Variants in COL14A1 observed in about 807,000 individuals in gnomAD.
COL14A1 encodes the protein collagen type XIV alpha 1 chain.
A neutral mutation model predicts 230.3 loss-of-function variants in COL14A1; 136 were observed. The ratio of observed to expected loss-of-function variants is 0.59; its 90% confidence interval spans 0.51 to 0.68. The LOEUF (loss-of-function observed/expected upper bound fraction) is 0.68, where lower values mean the gene tolerates loss of function less well. COL14A1 is among the 30% of genes least tolerant of loss of function. The pLI, the probability that COL14A1 is intolerant of heterozygous loss-of-function variation, is 0.00. For missense variants in COL14A1, 1,976 were observed against 2,215.8 expected, an observed-to-expected ratio of 0.89 and a Z score of 2.17; for synonymous variants, 792 against 784.1, an observed-to-expected ratio of 1.01 and a Z score of -0.17.
chr8:120,195,807 G>A (rs1040805312), intron 5 of COL14A1, among the ~76,000 whole-genome samples: 1 of 152,120 alleles, frequency 6.6e-6, no homozygotes, highest in Non-Finnish European at 1.5e-5. Flanking sequence ...ATGACACGTG[G>A]GAATTATGGG....
At position 120,297,576 on chromosome 8, in the gene COL14A1, A is replaced by G. The variant is rs367920723; in HGVS notation, c.4302A>G (p.Glu1434=). ...TSWANTDKCC[E]LPGLRDDESC... ...GGGCCAATACAGACAAATGCTGTGA[A>G]CTTCCAGGCCTGGTAAGAATTCTTC... is the stretch of plus-strand genomic sequence containing the variant. The change falls in exon 35 of 48, where the codon GAA becomes GAG. Residue 1434 remains glutamate, a synonymous_variant. Coordinates refer to ENST00000297848, the MANE Select transcript of COL14A1 (RefSeq NM_021110.4). 2.8e-5 allele frequency: 40 copies of G among 1,410,858 alleles called. No individual in the cohort carries two copies. Among genetic ancestry groups the G allele is most frequent in the Non-Finnish European group, 3.6e-5 (39 of 1,076,620 alleles). The allele number at this position is 1,410,858 out of a possible 1,614,324, so 87.4% of individuals were successfully genotyped here.
chr8:120,146,429 A>T (rs58087732), intron 1 of COL14A1, among the ~76,000 whole-genome samples: 2,235 of 141,774 alleles, frequency 0.016, 135 homozygotes, highest in Admixed American at 0.11. Context: ...TTCAGCAACT[A>T]TACCTTACTA....
intron 26 of COL14A1, 120 bp from the exon 27 acceptor site, chr8:120,277,991 C>T: frequency 1.1e-6 from 1 of 921,642 alleles, no homozygotes; most frequent in Non-Finnish European, 1.5e-6. Context: ...AATTTTAATC[C>T]AAGCAGATTT....
At chr8:120,319,756 G>A (rs1249609523) in intron 40 of COL14A1, among the ~76,000 whole-genome samples, 1 of 151,918 alleles carries the variant, frequency 6.6e-6, no homozygotes, top group African/African-American at 2.4e-5. Flanking sequence ...GAGGCCATAA[G>A]CAAGTCTGGT....
intron 45 of COL14A1, among the ~76,000 whole-genome samples, chr8:120,366,238 C>A (rs1823402558): frequency 6.6e-6 from 1 of 152,198 alleles, no homozygotes; most frequent in Non-Finnish European, 1.5e-5. Context: ...TAAAAAATTG[C>A]AAGGCCTTTC....
intron 5 of COL14A1, among the ~76,000 whole-genome samples, chr8:120,178,922 T>G (rs148026304): frequency 0.01 from 1,585 of 152,300 alleles, 34 homozygotes; most frequent in African/African-American, 0.037. Flanking sequence ...TTTGATGGTT[T>G]TTTTTTTGTA....
At chr8:120,193,023 T>C (rs1816882750) in intron 5 of COL14A1, among the ~76,000 whole-genome samples, 1 of 152,232 alleles carries the variant, frequency 6.6e-6, no homozygotes, top group Non-Finnish European at 1.5e-5. Context: ...AATTTGATCG[T>C]CTGAAGCCTT....
intron 1 of COL14A1, among the ~76,000 whole-genome samples, chr8:120,142,246 T>A (rs540106279): frequency 2.0e-5 from 3 of 152,342 alleles, no homozygotes; most frequent in Admixed American, 2.0e-4. Context: ...TGGACAGCTA[T>A]CTGTGTGACT....
At chr8:120,307,122 T>C (rs1820878598) in intron 36 of COL14A1, among the ~76,000 whole-genome samples, 1 of 152,168 alleles carries the variant, frequency 6.6e-6, no homozygotes, top group Non-Finnish European at 1.5e-5. Flanking sequence ...CCATGTTGCT[T>C]CTTGATCAAA....
Position 120,314,047 on chromosome 8 carries a change from T to C in COL14A1, c.4551+20T>C, listed in dbSNP as rs750592991. On this transcript the variant is annotated intron_variant, in intron 38 of 47. Transcript: ENST00000297848. ...ATGCCCGTGAGTTGTGTTCAAACAT[T>C]CAGACGGGTTTTATTGTTATCTCTT... The C allele has an allele frequency of 2.6e-5, 40 of 1,531,260 alleles. No homozygotes were observed. Among genetic ancestry groups the C allele is most frequent in the Non-Finnish European group, 3.4e-5 (38 of 1,116,864 alleles). 94.9% of individuals were successfully genotyped at this position (1,531,260 alleles called of 1,614,324 possible). A position where few individuals can be genotyped will look rare whatever the true frequency, so the allele number is the denominator to read the frequency against.
chr8:120,193,749 A>C (rs13275053), intron 5 of COL14A1, among the ~76,000 whole-genome samples: 36,696 of 152,076 alleles, frequency 0.24, 4,663 homozygotes, highest in African/African-American at 0.32. Flanking sequence ...AAGCCTGGGC[A>C]ATGGTGGGTG....
intron 22 of COL14A1, among the ~76,000 whole-genome samples, chr8:120,251,300 C>A (rs1157060643): frequency 1.3e-5 from 2 of 152,152 alleles, no homozygotes; most frequent in Non-Finnish European, 2.9e-5. Context: ...TCTGGAAAAT[C>A]TGTGTTGGCA....
chr8:120,266,081 A>G (rs376414219), intron 24 of COL14A1, among the ~76,000 whole-genome samples: 6 of 152,072 alleles, frequency 3.9e-5, no homozygotes, highest in African/African-American at 1.4e-4. Flanking sequence ...TTTAGTGTCA[A>G]ATAAGAATTA....
chr8:120,270,053 C>A lies in COL14A1; in HGVS notation c.3092C>A (p.Ala1031Asp). 1 of 1,611,264 alleles carries A rather than the reference C, an allele frequency of 6.2e-7. No homozygotes were observed. Among genetic ancestry groups the A allele is most frequent in the Non-Finnish European group, 8.5e-7 (1 of 1,178,174 alleles). ...TCTTCAGTATGTAAGGCGGCCAAGG[C>A]TGACCTGGTATTTATGGTGGATGGA... ...PAKEVCKAAKADLVFMVDGSW... is the reference protein window; with the variant it reads ...PAKEVCKAAKDDLVFMVDGSW... Residue 1031 changes from alanine to aspartate, a missense_variant, in exon 26 of 48, where the codon GCT becomes GAT. Physicochemically the swap from Ala to Asp is moderately radical, Grantham distance 126. This residue lies in a region of COL14A1 where 1,791 missense variants were observed against 2,019.5 expected (regional missense o/e 0.89). Coordinates refer to ENST00000297848, the MANE Select transcript of COL14A1 (RefSeq NM_021110.4).
intron 43 of COL14A1, among the ~76,000 whole-genome samples, chr8:120,342,048 A>T (rs1822317288): frequency 6.6e-6 from 1 of 152,234 alleles, no homozygotes; most frequent in African/African-American, 2.4e-5. Context: ...ACTGCTCGAG[A>T]AAGTGCTGTA....
chr8:120,237,574 G>A (rs1250739042), intron 19 of COL14A1, among the ~76,000 whole-genome samples: 1 of 152,204 alleles, frequency 6.6e-6, no homozygotes, highest in Non-Finnish European at 1.5e-5. Context: ...TTAGCTCGGA[G>A]GAGCTTGTTA....
intron 12 of COL14A1, among the ~76,000 whole-genome samples, chr8:120,210,870 G>A (rs1366963644): frequency 6.6e-6 from 1 of 151,962 alleles, no homozygotes; most frequent in Non-Finnish European, 1.5e-5. Context: ...AGGCTTAGAT[G>A]GCTTTTGTCT....
chr8:120,158,178 T>C lies in COL14A1; in HGVS notation c.137T>C (p.Ile46Thr), dbSNP rs1325350328. ...TATAATGTAATATCTCATGACAGTA[T>C]ACAGATTTCATGGAAGGCTCCAAGA... ...LRYNVISHDS[I>T]QISWKAPRGK... Residue 46 changes from isoleucine to threonine, a missense_variant, in exon 3 of 48, where the codon ATA becomes ACA. Physicochemically the swap from Ile to Thr is moderately conservative, Grantham distance 89. Coordinates refer to ENST00000297848, the MANE Select transcript of COL14A1 (RefSeq NM_021110.4). 2.5e-6 allele frequency: 4 copies of C among 1,610,828 alleles called. No homozygotes were observed. Among genetic ancestry groups the C allele is most frequent in the Admixed American group, 1.7e-5 (1 of 59,716 alleles).
At chr8:120,275,943 G>C (rs572454551) in intron 26 of COL14A1, among the ~76,000 whole-genome samples, 117 of 151,900 alleles carry the variant, frequency 7.7e-4, no homozygotes, top group Non-Finnish European at 1.3e-3. Flanking sequence ...AGAACTAAAA[G>C]TAGATTTACC....
Sources: allele counts gnomAD v4.1 joint callset (sites outside exome capture counted in the v4.1 genomes callset), GRCh38; gene constraint gnomAD v4.1.1; regional missense constraint gnomAD v4.1.1; transcripts MANE v1.5; gene names NCBI Gene and HGNC (gene_info 2026-07-23, HGNC 2026-07-21).